Variants in KCNQ2 observed in about 807,000 individuals in gnomAD.
KCNQ2 encodes the protein potassium voltage-gated channel subfamily Q member 2.
In KCNQ2, 14 loss-of-function variants were observed where a neutral mutation model predicts 84.8. The observed-to-expected ratio is 0.17, with a 90% CI of 0.11 to 0.26. KCNQ2 has a LOEUF of 0.26. Among genes scored for constraint, KCNQ2 ranks in the 10% least tolerant of loss-of-function variants. The pLI is 1.00. For synonymous variants in KCNQ2, 599 were observed against 554.1 expected, an observed-to-expected ratio of 1.08 and a Z score of -1.14; for missense variants, 788 against 1,254.0, an observed-to-expected ratio of 0.63 and a Z score of 5.61.
intron 15 of KCNQ2, 186 bp downstream of exon 15, chr20:63,413,264 G>A (rs2080178572): frequency 1.5e-6 from 1 of 660,340 alleles, no homozygotes; most frequent in Non-Finnish European, 2.7e-6. Context: ...GGAGAGATGG[G>A]AGAGACAGCA....
chr20:63,462,142 G>T (rs1260564592), intron 1 of KCNQ2, among the ~76,000 whole-genome samples: 5 of 120,504 alleles, frequency 4.1e-5, no homozygotes, highest in Non-Finnish European at 6.9e-5. Flanking sequence ...ACCTACCCCG[G>T]GGCAGCAGGG....
chr20:63,443,084 C>T (rs2081272913), intron 4 of KCNQ2, among the ~76,000 whole-genome samples: 3 of 46,636 alleles, frequency 6.4e-5, no homozygotes, highest in Admixed American at 2.3e-4. Flanking sequence ...ACCACCACCA[C>T]CATTATCACC....
chr20:63,407,092 G>A lies in KCNQ2; in HGVS notation c.2171C>T (p.Pro724Leu), dbSNP rs761544880. 1.6e-5 allele frequency: 25 copies of A among 1,535,848 alleles called. No individual in the cohort carries two copies. The highest frequency in any genetic ancestry group is 4.9e-5 in the East Asian group (2 of 40,924). Reference sequence around the variant, plus strand: ...GGGGGAGGTGCCGTGGCCCTGGCGCGGGTGGCTCTGTGGCTGCCAGGAGGT... The same window carrying A: ...GGGGGAGGTGCCGTGGCCCTGGCGCAGGTGGCTCTGTGGCTGCCAGGAGGT... Reference protein sequence around the residue: ...PSTSWQPQSHPRQGHGTSPVG... With the variant: ...PSTSWQPQSHLRQGHGTSPVG... The change falls in exon 17 of 17, where the codon CCG becomes CTG. Residue 724 changes from proline to leucine, a missense_variant. Transcript: ENST00000359125. This position sits in a 1 kb window ranked among gnomAD's most constrained non-coding sequence, Gnocchi z 7.2.
rs1568942813 is a variant in KCNQ2, at chr20:63,445,742, G to GGGTTCTATCTGGGCT, written c.388-379_388-378insAGCCCAGATAGAACC. 8.7e-5 allele frequency among the ~76,000 whole-genome samples: 12 copies of GGGTTCTATCTGGGCT among 137,998 alleles called. 2 individuals carry two copies. Among genetic ancestry groups the GGGTTCTATCTGGGCT allele is most frequent in the African/African-American group, 7.9e-5 (3 of 38,074 alleles). The allele number at this position is 137,998 out of a possible 152,430, so 90.5% of individuals were successfully genotyped here. ...AGCTGGGAGGCCCTGTCTGAGCTGG[G>GGGTTCTATCTGGGCT]AGGCCCTGTCTGAGCTGGGGGACCC... On this transcript the variant is annotated intron_variant, in intron 2 of 16. Coordinates refer to ENST00000359125, the MANE Select transcript of KCNQ2 (RefSeq NM_172107.4).
intron 10 of KCNQ2, among the ~76,000 whole-genome samples, chr20:63,424,806 C>T (rs2080579774): frequency 1.3e-5 from 2 of 152,192 alleles, no homozygotes; most frequent in Admixed American, 6.5e-5. Flanking sequence ...CGGGTAAAGG[C>T]GTTATGGATT....
chr20:63,459,610 G>C (rs1045847180), intron 1 of KCNQ2: 1 of 152,200 alleles, frequency 6.6e-6, no homozygotes, highest in African/African-American at 2.4e-5. Flanking sequence ...GATGGCAGAG[G>C]GCAAGAGTGT....
intron 1 of KCNQ2, among the ~76,000 whole-genome samples, chr20:63,466,869 T>A (rs2082095869): frequency 6.6e-6 from 1 of 152,142 alleles, no homozygotes; most frequent in South Asian, 2.1e-4. Context: ...CGGGGCTGCG[T>A]CCACAGACCG....
intron 12 of KCNQ2, among the ~76,000 whole-genome samples, chr20:63,418,479 G>T (rs919410141): frequency 1.3e-5 from 2 of 152,184 alleles, no homozygotes; most frequent in African/African-American, 4.8e-5. Context: ...TGAGGATGAA[G>T]GGGCCTCCCG....
Position 63,439,646 on chromosome 20 carries a change from A to G in KCNQ2, c.879T>C (p.Leu293=). 1 of 1,613,726 alleles carries G rather than the reference A, an allele frequency of 6.2e-7. No homozygotes were observed. The highest frequency in any genetic ancestry group is 8.5e-7 in the Non-Finnish European group (1 of 1,180,016). ...KYPQTWNGRL[L]AATFTLIGVS... is the part of the protein sequence containing the mutation. Reference sequence around the variant, plus strand: ...CACCGATGAGGGTGAAGGTTGCCGCAAGGAGCCTGCCGTTCCAGGTCTGGG... The same window carrying G: ...CACCGATGAGGGTGAAGGTTGCCGCGAGGAGCCTGCCGTTCCAGGTCTGGG... Residue 293 remains leucine (L), a synonymous_variant, in exon 6 of 17, where the codon CTT becomes CTC. Transcript: ENST00000359125.
In KCNQ2 at chr20:63,433,369, G is replaced by GC. The variant is rs533207269; in HGVS notation, c.1118+439dup. 159 of 269,540 alleles carry GC rather than the reference G, an allele frequency of 5.9e-4. 1 individual carries two copies. Among genetic ancestry groups the GC allele is most frequent in the Admixed American group, 4.2e-3 (83 of 19,680 alleles). The allele number at this position is 269,540 out of a possible 1,614,324, so 16.7% of individuals were successfully genotyped here. A position where few individuals can be genotyped will look rare whatever the true frequency, so the allele number is the denominator to read the frequency against. On this transcript the variant is annotated intron_variant, in intron 8 of 16. Transcript: ENST00000359125. ...CACTGTGATCCGGGGTTACTTTCCT[G>GC]CCCCCCACGCCGGAGCCCTAGGTCC...
chr20:63,452,204 G>A (rs1330809992), intron 1 of KCNQ2, among the ~76,000 whole-genome samples: 2 of 151,634 alleles, frequency 1.3e-5, no homozygotes, highest in Non-Finnish European at 2.9e-5. Context: ...CGTCTCATGT[G>A]AAAACTGTCA....
chr20:63,406,926 C>T lies in KCNQ2; in HGVS notation c.2337G>A (p.Gly779=). The change falls in exon 17 of 17, where the codon GGG becomes GGA. Residue 779 remains glycine, a synonymous_variant. Transcript: ENST00000359125. ...TGGACGTGTCGCTGTCCCGCAGGTT[C>T]CCCTCGGGGGGCCTGCAGCCCGGGG... The part of the protein sequence containing the change: ...EDTPGCRPPE[G]NLRDSDTSIS... 6.2e-7 allele frequency: 1 copy of T among 1,603,774 alleles called. No individual in the cohort carries two copies. Among genetic ancestry groups the T allele is most frequent in the Non-Finnish European group, 8.5e-7 (1 of 1,177,180 alleles).
intron 1 of KCNQ2, among the ~76,000 whole-genome samples, chr20:63,461,451 G>T (rs1034090216): frequency 6.6e-6 from 1 of 152,188 alleles, no homozygotes; most frequent in East Asian, 1.9e-4. Flanking sequence ...GCTGCCCAGA[G>T]GTGAGCCAAG....
rs149444500 is a variant in KCNQ2, at chr20:63,465,910, C to T, written c.296+6258G>A. ...GGCGGCCTCATGGCTGGGCGCGTGT[C>T]GGTGCTGAGGCGTCCCGGCGGGTCC... On this transcript the variant is annotated intron_variant, in intron 1 of 16. Coordinates refer to ENST00000359125, the MANE Select transcript of KCNQ2 (RefSeq NM_172107.4). Among the ~76,000 whole-genome samples the T allele has an allele frequency of 8.0e-3, 1,218 of 152,328 alleles. 14 individuals carry two copies. Among genetic ancestry groups the T allele is most frequent in the Middle Eastern group, 0.024 (7 of 294 alleles).
chr20:63,440,454 A>G (rs2081126734), intron 5 of KCNQ2, among the ~76,000 whole-genome samples: 1 of 152,136 alleles, frequency 6.6e-6, no homozygotes, highest in South Asian at 2.1e-4. Flanking sequence ...TTGGGGCCGC[A>G]GCCCACCCCC....
At chr20:63,443,925 G>A (rs1314480912) in intron 4 of KCNQ2, among the ~76,000 whole-genome samples, 1 of 152,172 alleles carries the variant, frequency 6.6e-6, no homozygotes, top group Non-Finnish European at 1.5e-5. Context: ...TCTTGGGACT[G>A]TTGAGACCCT....
rs2081917065 is a variant in KCNQ2 at position 63,460,326 on chromosome 20, T to C, written c.296+11842A>G. 6.6e-6 allele frequency among the ~76,000 whole-genome samples: 1 copy of C among 152,004 alleles called. No individual in the cohort carries two copies. Among genetic ancestry groups the C allele is most frequent in the Non-Finnish European group, 1.5e-5 (1 of 67,976 alleles). On this transcript the variant is annotated intron_variant, in intron 1 of 16. Transcript: ENST00000359125. This position sits in a 1 kb window ranked among gnomAD's most constrained non-coding sequence, Gnocchi z 5.4. ...CCCCCACCCTCAACAAGGGGGCTCC[T>C]CCTGAGACATCCCACACTCCCTTCA...
chr20:63,411,951 G>A (rs2080132701), intron 15 of KCNQ2: 1 of 691,878 alleles, frequency 1.4e-6, no homozygotes, highest in Non-Finnish European at 2.7e-6. Flanking sequence ...TGAGGAGCTG[G>A]CCAGGAACTG....
chr20:63,441,484 CA>C (rs1417487727), intron 5 of KCNQ2, among the ~76,000 whole-genome samples: 1 of 152,162 alleles, frequency 6.6e-6, no homozygotes, highest in Non-Finnish European at 1.5e-5. Context: ...TAAAAATATA[CA>C]CAAGCATTAC....
Sources: allele counts gnomAD v4.1 joint callset (sites outside exome capture counted in the v4.1 genomes callset), GRCh38; gene constraint gnomAD v4.1.1; non-coding constraint Gnocchi (gnomAD v3.1); transcripts MANE v1.5; gene names NCBI Gene and HGNC (gene_info 2026-07-23, HGNC 2026-07-21).